FBXO11: variants seen among roughly 807,000 people sequenced by gnomAD.
FBXO11 encodes the protein F-box protein 11.
Under a neutral mutation model 117.0 loss-of-function variants are expected in FBXO11, and 13 were observed. The ratio of observed to expected loss-of-function variants is 0.11; its 90% confidence interval spans 0.07 to 0.18. The LOEUF (loss-of-function observed/expected upper bound fraction) is 0.18, where lower values mean the gene tolerates loss of function less well. FBXO11 is among the 10% of genes least tolerant of loss of function. FBXO11 has a pLI of 1.00. For synonymous variants in FBXO11, 490 were observed against 380.5 expected (o/e 1.29, Z -3.35); for missense variants, 767 against 1,164.4 (o/e 0.66, Z 4.97).
chr2:47,839,556 T>C (rs1292804676), intron 2 of FBXO11, 56 bp from the exon 3 acceptor site: 3 of 1,603,220 alleles, frequency 1.9e-6, no homozygotes, highest in African/African-American at 2.7e-5. Context: ...CCATAATCAT[T>C]ACTTCTAAAA....
chr2:47,825,291 C>T (rs1006438164), intron 11 of FBXO11, among the ~76,000 whole-genome samples: 2 of 151,812 alleles, frequency 1.3e-5, no homozygotes, highest in Non-Finnish European at 2.9e-5. Flanking sequence ...TTTTTTAAAA[C>T]AAATCAGGAG....
intron 11 of FBXO11, among the ~76,000 whole-genome samples, chr2:47,828,965 A>C (rs1042795284): frequency 6.6e-6 from 1 of 152,050 alleles, no homozygotes; most frequent in African/African-American, 2.4e-5. Context: ...CCCAGGCTGG[A>C]GTGCAGTGGC....
chr2:47,894,425 A>T (rs920563187), intron 1 of FBXO11, among the ~76,000 whole-genome samples: 1 of 152,242 alleles, frequency 6.6e-6, no homozygotes, highest in Non-Finnish European at 1.5e-5. Flanking sequence ...ACTTTAAAGG[A>T]GTAAGAAACA....
chr2:47,889,325 T>C (rs1677094412), intron 1 of FBXO11, among the ~76,000 whole-genome samples: 1 of 152,252 alleles, frequency 6.6e-6, no homozygotes, highest in Admixed American at 6.5e-5. Context: ...CCCTAGAATC[T>C]ATACTTACTG....
intron 13 of FBXO11, among the ~76,000 whole-genome samples, chr2:47,821,597 G>A (rs1671390487): frequency 6.7e-6 from 1 of 149,628 alleles, no homozygotes; most frequent in African/African-American, 2.5e-5. Context: ...GTGATAGAGA[G>A]AGACTCCGTC....
Position 47,832,836 on chromosome 2 carries a change from G to A in FBXO11, c.1086C>T (p.His362=). 6.2e-7 allele frequency: 1 copy of A among 1,614,066 alleles called. No individual in the cohort carries two copies. The highest frequency in any genetic ancestry group is 8.5e-7 in the Non-Finnish European group (1 of 1,179,954). The part of the protein sequence containing the change: ...DKSAQHHNAH[H]CLEITVNCSP... ...TACAATTTACTGTAATCTCTAAGCA[G>A]TGGTGTGCATTGTGGTGTTGTGCAG... The change falls in exon 9 of 23, where the codon CAC becomes CAT. Residue 362 remains histidine, a synonymous_variant. Coordinates refer to ENST00000403359, the MANE Select transcript of FBXO11 (RefSeq NM_001190274.2).
chr2:47,810,231 A>G (rs1670523256), intron 19 of FBXO11, 85 bp downstream of exon 19: 2 of 872,074 alleles, frequency 2.3e-6, no homozygotes, highest in Non-Finnish European at 1.7e-6. Flanking sequence ...ATTTTAGTTA[A>G]TAAGCAAAAC....
At position 47,808,196 on chromosome 2, in the gene FBXO11, A is replaced by G. The variant is rs1319355247; in HGVS notation, c.2706T>C (p.Ala902=). The G allele has an allele frequency of 6.2e-7, 1 of 1,613,542 alleles. No homozygotes were observed. The highest frequency in any genetic ancestry group is 8.5e-7 in the Non-Finnish European group (1 of 1,179,870). The change falls in exon 23 of 23, where the codon GCT becomes GCC. Residue 902 remains alanine, a synonymous_variant. Coordinates refer to ENST00000403359, the MANE Select transcript of FBXO11 (RefSeq NM_001190274.2). Reference sequence around the variant, plus strand: ...TATCTGTATCATGTGTAGGCTCACCAGCTAATGTACAAGGATTAGACAGTG... The same window carrying G: ...TATCTGTATCATGTGTAGGCTCACCGGCTAATGTACAAGGATTAGACAGTG... ...AGTLSNPCTL[A]GEPTHDTDTL...
chr2:47,902,997 T>C (rs1206101924), intron 1 of FBXO11, among the ~76,000 whole-genome samples: 1 of 151,936 alleles, frequency 6.6e-6, no homozygotes, highest in Non-Finnish European at 1.5e-5. Context: ...AAACCCAGCA[T>C]ATTCCTAAAC....
intron 1 of FBXO11, among the ~76,000 whole-genome samples, chr2:47,897,701 C>CAAAAAAAA (rs60982405): frequency 1.9e-5 from 2 of 103,136 alleles, no homozygotes; most frequent in African/African-American, 4.1e-5. Context: ...TGTCTTAAAC[C>CAAAAAAAA]AAAAAAAAAA....
In FBXO11 at chr2:47,820,439, T is replaced by C; in HGVS notation, c.1720A>G (p.Ile574Val). 6.2e-7 allele frequency: 1 copy of C among 1,613,510 alleles called. No homozygotes were observed. The highest frequency in any genetic ancestry group is 8.5e-7 in the Non-Finnish European group (1 of 1,179,630). ...NDIYGNALAG[I>V]QIRTNSCPIV... ...GGACAACTGTTTGTCCTAATTTGAA[T>C]TCCTGCTAATGCATTGCCTATTTAA... Residue 574 changes from isoleucine to valine, a missense_variant, in exon 14 of 23, where the codon ATT becomes GTT. Transcript: ENST00000403359.
At position 47,813,433 on chromosome 2, in the gene FBXO11, T is replaced by TATTTTTATTTATTTA. The variant is rs1387396523; in HGVS notation, c.2084-57_2084-56insTAAATAAATAAAAAT. ...AGGTATATTTCTTTTTAATTTTTTT[T>TATTTTTATTTATTTA]TTTTTTTTTTTTTTTGAGACAGAGT... On this transcript the variant is annotated intron_variant, in intron 17 of 22. Coordinates refer to ENST00000403359, the MANE Select transcript of FBXO11 (RefSeq NM_001190274.2). 1.5e-4 allele frequency: 151 copies of TATTTTTATTTATTTA among 1,008,564 alleles called. No individual in the cohort carries two copies. The African/African-American group carries it at 3.2e-3, about 21-fold the overall frequency. 62.5% of individuals were successfully genotyped at this position (1,008,564 alleles called of 1,614,324 possible).
rs146768404 is a variant in FBXO11, at chr2:47,824,072, A to G, written c.1399-712T>C. On this transcript the variant is annotated intron_variant, in intron 11 of 22. Transcript: ENST00000403359. The stretch of plus-strand genomic sequence containing the variant: ...AATAAGTCCAAGTACATTCAAAGGC[A>G]TGAAGGAAAAACAGCAAAACATCTA... Among the ~76,000 whole-genome samples the G allele has an allele frequency of 5.4e-4, 82 of 152,374 alleles. No individual in the cohort carries two copies. The East Asian group carries it at 0.015, about 28-fold the overall frequency.
intron 1 of FBXO11, among the ~76,000 whole-genome samples, chr2:47,866,343 C>A (rs1675195373): frequency 6.6e-6 from 1 of 151,676 alleles, no homozygotes; most frequent in South Asian, 2.1e-4. Flanking sequence ...CACTCTATCT[C>A]ATCTTTTATA....
chr2:47,885,718 C>T (rs1002251211), intron 1 of FBXO11, among the ~76,000 whole-genome samples: 1 of 152,140 alleles, frequency 6.6e-6, no homozygotes, highest in Non-Finnish European at 1.5e-5. Context: ...GTGCCTAGTT[C>T]CTCTTCCCCC....
chr2:47,811,186 CTT>C (rs1379516416), intron 18 of FBXO11: 4 of 152,194 alleles, frequency 2.6e-5, no homozygotes, highest in African/African-American at 4.8e-5. Flanking sequence ...TCTGCATACT[CTT>C]TGGGTGATCT....
intron 1 of FBXO11, among the ~76,000 whole-genome samples, chr2:47,897,853 A>T (rs897407565): frequency 6.6e-6 from 1 of 152,206 alleles, no homozygotes; most frequent in East Asian, 1.9e-4. Flanking sequence ...AAATAACTAA[A>T]AGTACATATT....
chr2:47,824,902 T>C (rs1671636851), intron 11 of FBXO11, among the ~76,000 whole-genome samples: 1 of 152,232 alleles, frequency 6.6e-6, no homozygotes, highest in South Asian at 2.1e-4. Context: ...GCTTACTCTC[T>C]TTCCTCTTTA....
At chr2:47,860,860 T>C (rs559900961) in intron 1 of FBXO11, among the ~76,000 whole-genome samples, 2 of 150,476 alleles carry the variant, frequency 1.3e-5, no homozygotes, top group East Asian at 3.9e-4. Context: ...TTTTTTTTTT[T>C]TTTGAGACGG....
Sources: allele counts gnomAD v4.1 joint callset (sites outside exome capture counted in the v4.1 genomes callset), GRCh38; gene constraint gnomAD v4.1.1; transcripts MANE v1.5; gene names NCBI Gene and HGNC (gene_info 2026-07-23, HGNC 2026-07-21).